Variants in SEMA4B observed in about 807,000 individuals in gnomAD.
SEMA4B encodes the protein semaphorin-4B.
Under a neutral mutation model 88.1 loss-of-function variants are expected in SEMA4B, and 55 were observed. The observed-to-expected ratio is 0.62, with a 90% CI of 0.50 to 0.78. The LOEUF (loss-of-function observed/expected upper bound fraction) is 0.78. Among genes scored for constraint, SEMA4B ranks in the 30% least tolerant of loss-of-function variants. The pLI is 0.00. For missense variants in SEMA4B, 1,062 were observed against 1,111.9 expected (o/e 0.96, Z 0.64); for synonymous variants, 525 against 473.6 (o/e 1.11, Z -1.41).
At chr15:90,198,754 G>C (rs1044005332), upstream of SEMA4B, among the ~76,000 whole-genome samples, 1 of 152,196 alleles carries the variant, frequency 6.6e-6, no homozygotes, top group African/African-American at 2.4e-5. Context: ...AGTGGTACTG[G>C]TGGTGAGGAT....
At chr15:90,198,203 C>A (rs568356243), upstream of SEMA4B, among the ~76,000 whole-genome samples, 4 of 152,226 alleles carry the variant, frequency 2.6e-5, no homozygotes, top group Admixed American at 6.5e-5. Flanking sequence ...AGGCGTGAGC[C>A]ACCGCGCCTG....
chr15:90,218,773 G>A (rs151327518), intron 3 of SEMA4B, among the ~76,000 whole-genome samples: 2,028 of 152,182 alleles, frequency 0.013, 23 homozygotes, highest in Non-Finnish European at 0.022. Context: ...CCGAGATCTC[G>A]CCACTGCACT....
At chr15:90,194,680 T>C (rs999807165) in intron 1 of SEMA4B, among the ~76,000 whole-genome samples, 1 of 152,224 alleles carries the variant, frequency 6.6e-6, no homozygotes, top group Non-Finnish European at 1.5e-5. Flanking sequence ...GGATTATAGG[T>C]GTGAGCCACC....
At chr15:90,207,300 G>A (rs139219702) in intron 1 of SEMA4B, among the ~76,000 whole-genome samples, 100 of 149,454 alleles carry the variant, frequency 6.7e-4, no homozygotes, top group African/African-American at 2.4e-3. Context: ...GGCCTGTGGC[G>A]AGGGGGTTTC....
intron 1 of SEMA4B, among the ~76,000 whole-genome samples, chr15:90,207,169 T>C (rs894357283): frequency 6.6e-6 from 1 of 152,176 alleles, no homozygotes; most frequent in African/African-American, 2.4e-5. Flanking sequence ...TCTGTCCAGC[T>C]GCTAGAGTTC....
intron 12 of SEMA4B, among the ~76,000 whole-genome samples, chr15:90,226,260 C>T (rs568353495): frequency 5.3e-5 from 8 of 152,286 alleles, no homozygotes; most frequent in Middle Eastern, 3.4e-3. Context: ...TAGAGAGAAT[C>T]GCAGTGAGAT....
chr15:90,184,923 T>C (rs1294780835), upstream of SEMA4B: 4 of 985,576 alleles, frequency 4.1e-6, no homozygotes, highest in African/African-American at 1.7e-5. Context: ...GCCCAGCATT[T>C]CCGGGGACGC....
intron 11 of SEMA4B, 22 bp from the exon 12 acceptor site, chr15:90,225,636 CTCA>C (rs1962124151): frequency 1.3e-6 from 2 of 1,554,728 alleles, no homozygotes; most frequent in Non-Finnish European, 1.7e-6. Flanking sequence ...ATGCCCGCTT[CTCA>C]TCCCCGTGTC....
chr15:90,207,293 C>T (rs979100762), intron 1 of SEMA4B, among the ~76,000 whole-genome samples: 1 of 151,218 alleles, frequency 6.6e-6, no homozygotes, highest in Non-Finnish European at 1.5e-5. Flanking sequence ...GGTGGGGGGC[C>T]TGTGGCGAGG....
At chr15:90,221,259 T>C in intron 5 of SEMA4B, 108 bp from the exon 6 acceptor site, 1 of 1,183,122 alleles carries the variant, frequency 8.5e-7, no homozygotes, top group East Asian at 2.6e-5. Context: ...AGCTTCCTTC[T>C]CTGCCCACCA....
At chr15:90,224,503 G>A (rs1037676795) in intron 9 of SEMA4B, among the ~76,000 whole-genome samples, 4 of 152,240 alleles carry the variant, frequency 2.6e-5, no homozygotes, top group East Asian at 3.9e-4. Flanking sequence ...GTGTCAGCAC[G>A]CTGTTGTTGC....
At position 90,225,018 on chromosome 15, in the gene SEMA4B, C is replaced by T; in HGVS notation, c.1245C>T (p.Leu415=). 1.9e-6 allele frequency: 3 copies of T among 1,613,972 alleles called. No homozygotes were observed. The highest frequency in any genetic ancestry group is 2.5e-6 in the Non-Finnish European group (3 of 1,179,862). ...GGAAGATCAACTCATCCCTGCAGCT[C>T]CCAGACCGCGTGCTGAACTTCCTCA... is the stretch of plus-strand genomic sequence containing the variant. ...RERKINSSLQ[L]PDRVLNFLKD... Residue 415 remains leucine, a synonymous_variant, in exon 10 of 14, where the codon CTC becomes CTT. Coordinates refer to ENST00000411539, the MANE Select transcript of SEMA4B (RefSeq NM_198925.4).
intron 4 of SEMA4B, 136 bp from the exon 5 acceptor site, chr15:90,220,846 G>A (rs1961790794): frequency 3.1e-6 from 2 of 640,566 alleles, no homozygotes; most frequent in South Asian, 3.6e-5. Flanking sequence ...CGGCGTCCCT[G>A]ACACCTGACC....
intron 1 of SEMA4B, chr15:90,206,613 ATGC>A: frequency 1.6e-6 from 1 of 609,380 alleles, no homozygotes; most frequent in East Asian, 2.8e-5. Flanking sequence ...ATGGACATTA[ATGC>A]TGCTTTACAA....
rs760388172 is a variant in SEMA4B, at chr15:90,227,948, A to T, written c.1819A>T (p.Asn607Tyr). ...AGTCCAGTTCCAGCCCAACACAGTG[A>T]ACACTTTGGCCTGCCCGCTCCTCTC... ...EQVQFQPNTV[N>Y]TLACPLLSNL... Residue 607 changes from asparagine (N) to tyrosine (Y), a missense_variant, in exon 14 of 14, where the codon AAC becomes TAC. Transcript: ENST00000411539. 7.4e-6 allele frequency: 12 copies of T among 1,613,648 alleles called. No individual in the cohort carries two copies. The South Asian group carries it at 1.2e-4, about 16-fold the overall frequency.
intron 7 of SEMA4B, among the ~76,000 whole-genome samples, 192 bp from the exon 8 acceptor site, chr15:90,223,367 G>A (rs1310307834): frequency 6.6e-6 from 1 of 152,188 alleles, no homozygotes; most frequent in East Asian, 1.9e-4. Context: ...GCTCTGCTTA[G>A]TTACAGTAAG....
In SEMA4B at chr15:90,227,928, A is replaced by T. The variant is rs1962256485; in HGVS notation, c.1799A>T (p.Gln600Leu). ...PTGEKPCEQV[Q>L]FQPNTVNTLA... Reference sequence around the variant, plus strand: ...GGGGAGAAGCCATGTGAGCAAGTCCAGTTCCAGCCCAACACAGTGAACACT... The same window carrying T: ...GGGGAGAAGCCATGTGAGCAAGTCCTGTTCCAGCCCAACACAGTGAACACT... Residue 600 changes from glutamine to leucine, a missense_variant, in exon 14 of 14, where the codon CAG (glutamine) becomes CTG (leucine). Coordinates refer to ENST00000411539, the MANE Select transcript of SEMA4B (RefSeq NM_198925.4). The T allele has an allele frequency of 6.2e-7, 1 of 1,612,938 alleles. No homozygotes were observed. The highest frequency in any genetic ancestry group is 8.5e-7 in the Non-Finnish European group (1 of 1,179,866).
chr15:90,214,927 A>T (rs1381556237), intron 1 of SEMA4B: 2 of 1,233,426 alleles, frequency 1.6e-6, no homozygotes, highest in East Asian at 1.2e-4. Context: ...CCCACCCTTT[A>T]TGGAACCAGG....
At chr15:90,198,954 G>A (rs1050531248), upstream of SEMA4B, among the ~76,000 whole-genome samples, 3 of 152,076 alleles carry the variant, frequency 2.0e-5, no homozygotes, top group Admixed American at 1.3e-4. Context: ...TGCAACCTCC[G>A]CCTCCCAGGC....
Sources: allele counts gnomAD v4.1 joint callset (sites outside exome capture counted in the v4.1 genomes callset), GRCh38; gene constraint gnomAD v4.1.1; transcripts MANE v1.5; gene names NCBI Gene and HGNC (gene_info 2026-07-23, HGNC 2026-07-21).